Variants in SHANK2 observed in about 807,000 individuals in gnomAD.
The protein encoded by SHANK2 is SH3 and multiple ankyrin repeat domains 2.
In SHANK2, 43 loss-of-function variants were observed where a neutral mutation model predicts 133.7. The observed-to-expected ratio is 0.32, with a 90% CI of 0.25 to 0.41. The LOEUF is 0.41. SHANK2 is among the 10% of genes least tolerant of loss of function. The probability of loss-of-function intolerance (pLI) is 1.00; values close to 1 mark genes in which losing one functional copy is unlikely to be tolerated. For synonymous variants in SHANK2, 1,017 were observed against 952.8 expected, an observed-to-expected ratio of 1.07 and a Z score of -1.24; for missense variants, 1,994 against 2,235.8, an observed-to-expected ratio of 0.89 and a Z score of 2.18.
chr11:70,479,066 C>T lies in SHANK2; in HGVS notation c.4980-5627G>A, dbSNP rs906009506. On this transcript the variant is annotated intron_variant, in intron 25 of 25. Transcript: ENST00000601538. This position sits in a 1 kb window ranked among gnomAD's most constrained non-coding sequence, Gnocchi z 4.4. ...AGATTTGCCTGTTGATGGGCAAGGA[C>T]GAGGCACTCCCATTCATCCTTGCCC... is the stretch of plus-strand genomic sequence containing the variant. Among the ~76,000 whole-genome samples, 3 of 152,206 alleles carry T rather than the reference C, an allele frequency of 2.0e-5. No homozygotes were observed. The highest frequency in any genetic ancestry group is 1.3e-4 in the Admixed American group (2 of 15,284).
intron 10 of SHANK2, among the ~76,000 whole-genome samples, chr11:70,923,124 G>A (rs950833085): frequency 1.3e-5 from 2 of 152,212 alleles, no homozygotes; most frequent in African/African-American, 2.4e-5. Context: ...CCCATCAACT[G>A]TAAGGAAGAA....
intron 8 of SHANK2, among the ~76,000 whole-genome samples, chr11:71,086,619 T>C (rs1008140153): frequency 0.01 from 1,531 of 150,298 alleles, 30 homozygotes; most frequent in African/African-American, 0.035. Context: ...GTGGGCCCCA[T>C]CCAATCAGTT....
At chr11:71,084,649 C>T (rs894038517) in intron 8 of SHANK2, among the ~76,000 whole-genome samples, 2 of 152,204 alleles carry the variant, frequency 1.3e-5, no homozygotes, top group African/African-American at 2.4e-5. Context: ...CCAGGCACAG[C>T]CCAGTGAGGT....
At chr11:70,561,659 G>T (rs2059909699) in intron 17 of SHANK2, among the ~76,000 whole-genome samples, 1 of 151,300 alleles carries the variant, frequency 6.6e-6, no homozygotes, top group African/African-American at 2.4e-5. Context: ...CTTCAGAGTA[G>T]CCAGGACTGC....
rs1175630390 is a variant in SHANK2 at position 70,741,631 on chromosome 11, T to C, written c.1778-42868A>G. Among the ~76,000 whole-genome samples, 12 of 152,104 alleles carry C rather than the reference T, an allele frequency of 7.9e-5. No homozygotes were observed. In the East Asian group the frequency reaches 2.3e-3, roughly 29 times the overall value. ...GTGTCCTCCCCAGGCCCCTGACATG[T>C]CCCCTGCCAGGTTTCCAGTCTCCTC... On this transcript the variant is annotated intron_variant, in intron 14 of 25. Coordinates refer to ENST00000601538, the MANE Select transcript of SHANK2 (RefSeq NM_012309.5).
chr11:71,058,796 C>G (rs1180364805), intron 9 of SHANK2, among the ~76,000 whole-genome samples: 2 of 152,252 alleles, frequency 1.3e-5, no homozygotes, highest in Non-Finnish European at 2.9e-5. Context: ...CCAGGGCTTC[C>G]CACCCACGAC....
chr11:70,621,417 C>A (rs1252312686), intron 17 of SHANK2, among the ~76,000 whole-genome samples: 8 of 152,378 alleles, frequency 5.3e-5, no homozygotes, highest in African/African-American at 1.9e-4. Flanking sequence ...TTATGCCCTG[C>A]ACACCATCTG....
At chr11:70,637,708 C>T (rs1023006461) in intron 17 of SHANK2, among the ~76,000 whole-genome samples, 4 of 152,336 alleles carry the variant, frequency 2.6e-5, no homozygotes, top group African/African-American at 9.6e-5. Context: ...TCCAGACCCT[C>T]GAAAGCCCTG....
chr11:70,565,215 T>TTATC lies in SHANK2; in HGVS notation c.2062-62285_2062-62284insGATA, dbSNP rs1554981640. Among the ~76,000 whole-genome samples the TTATC allele has an allele frequency of 2.2e-3, 325 of 149,122 alleles. 2 individuals are homozygous for TTATC. Among genetic ancestry groups the TTATC allele is most frequent in the African/African-American group, 7.9e-3 (317 of 40,364 alleles). ...GTAGTTAAGTCACCTGGAAGCAGTTTCATCCATCCATCCATCCATCCATCC... is the reference window on the plus strand; with the variant it reads ...GTAGTTAAGTCACCTGGAAGCAGTTTTATCCATCCATCCATCCATCCATCCATCC... On this transcript the variant is annotated intron_variant, in intron 17 of 25. Coordinates refer to ENST00000601538, the MANE Select transcript of SHANK2 (RefSeq NM_012309.5).
chr11:70,556,057 CAGA>C (rs2059824899), intron 17 of SHANK2, among the ~76,000 whole-genome samples: 1 of 152,232 alleles, frequency 6.6e-6, no homozygotes, highest in African/African-American at 2.4e-5. Context: ...GCAAGTTCTC[CAGA>C]AGATCTAGCT....
Position 70,739,892 on chromosome 11 carries a change from C to T in SHANK2, c.1778-41129G>A, listed in dbSNP as rs576273194. On this transcript the variant is annotated intron_variant, in intron 14 of 25. Coordinates refer to ENST00000601538, the MANE Select transcript of SHANK2 (RefSeq NM_012309.5). The surrounding 1 kb of genome is among the most constrained non-coding windows in gnomAD (Gnocchi z 4.3). ...CCACGTGAAGACAGGCCAGAGCCGC[C>T]GCAGAGGATGATGATCCCGAATCCT... Among the ~76,000 whole-genome samples the T allele has an allele frequency of 1.1e-4, 17 of 152,320 alleles. No individual in the cohort carries two copies. The South Asian group carries it at 1.5e-3, about 13-fold the overall frequency.
At chr11:71,167,251 A>C (rs1331052793) in intron 2 of SHANK2, among the ~76,000 whole-genome samples, 1 of 152,056 alleles carries the variant, frequency 6.6e-6, no homozygotes. Flanking sequence ...CCCCCTTTCT[A>C]TTCTACAAAA....
At chr11:70,565,018 C>T (rs541790743) in intron 17 of SHANK2, among the ~76,000 whole-genome samples, 13 of 152,176 alleles carry the variant, frequency 8.5e-5, no homozygotes, top group Admixed American at 2.0e-4. Flanking sequence ...ACTCTAACAT[C>T]GGTGTTAATC....
In SHANK2 at chr11:70,820,500, T is replaced by C. The variant is rs1377954161; in HGVS notation, c.1357A>G (p.Met453Val). The change falls in exon 12 of 26, where the codon ATG becomes GTG. Residue 453 changes from methionine to valine, a missense_variant. Transcript: ENST00000601538. ...GCGGCCCCCTCGGGCTTGCTGGGCA[T>C]CTGCTGCAGCAGCTGGGGTGACAGG... The part of the protein sequence containing the change: ...RSLSPQLLQQ[M>V]PSKPEGAAKT... The C allele has an allele frequency of 1.3e-5, 9 of 716,878 alleles. No individual in the cohort carries two copies. In the East Asian group the frequency reaches 2.4e-4, roughly 19 times the overall value. The allele number at this position is 716,878 out of a possible 1,614,324, so 44.4% of individuals were successfully genotyped here.
intron 17 of SHANK2, among the ~76,000 whole-genome samples, chr11:70,657,012 A>G (rs1467105466): frequency 6.6e-6 from 1 of 152,246 alleles, no homozygotes; most frequent in East Asian, 1.9e-4. Context: ...GGGAAAATGA[A>G]GTTCTAGAGA....
intron 14 of SHANK2, among the ~76,000 whole-genome samples, chr11:70,773,932 G>T (rs1947307667): frequency 6.6e-6 from 1 of 152,132 alleles, no homozygotes; most frequent in African/African-American, 2.4e-5. Context: ...GCCTCAAAAG[G>T]TTAAACCTAC....
chr11:70,753,896 C>A (rs1472744319), intron 14 of SHANK2, among the ~76,000 whole-genome samples: 7 of 150,608 alleles, frequency 4.6e-5, no homozygotes, highest in Non-Finnish European at 7.4e-5. Context: ...ACTCCAAACT[C>A]TGCCTCCTGG....
intron 15 of SHANK2, among the ~76,000 whole-genome samples, chr11:70,664,996 G>T (rs1205644831): frequency 6.6e-6 from 1 of 152,166 alleles, no homozygotes; most frequent in Non-Finnish European, 1.5e-5. Flanking sequence ...AGCAGCACAT[G>T]TTCATAACTC....
rs1323348475 is a variant in SHANK2 at position 70,708,234 on chromosome 11, C to T, written c.1778-9471G>A. 5.0e-5 allele frequency among the ~76,000 whole-genome samples: 5 copies of T among 99,906 alleles called. 1 individual carries two copies. Among genetic ancestry groups the T allele is most frequent in the African/African-American group, 2.5e-4 (5 of 19,686 alleles). 65.5% of individuals were successfully genotyped at this position (99,906 alleles called of 152,430 possible). A position where few individuals can be genotyped will look rare whatever the true frequency, so the allele number is the denominator to read the frequency against. On this transcript the variant is annotated intron_variant, in intron 14 of 25. Transcript: ENST00000601538. ...AGTCTGTCTGTCAAGCTGGGTGGAA[C>T]CTGTTATACCCAAGACGTCATCTCA...
Sources: allele counts gnomAD v4.1 joint callset (sites outside exome capture counted in the v4.1 genomes callset), GRCh38; gene constraint gnomAD v4.1.1; non-coding constraint Gnocchi (gnomAD v3.1); transcripts MANE v1.5; gene names NCBI Gene and HGNC (gene_info 2026-07-23, HGNC 2026-07-21).